Variants in SPAG16 observed in about 807,000 individuals in gnomAD.
SPAG16 encodes the protein sperm-associated antigen 16 protein.
Under a neutral mutation model 80.4 loss-of-function variants are expected in SPAG16, and 86 were observed. The ratio of observed to expected loss-of-function variants is 1.07; its 90% CI spans 0.90 to 1.28. The LOEUF (loss-of-function observed/expected upper bound fraction) is 1.28, where lower values mean the gene tolerates loss of function less well. Among genes scored for constraint, SPAG16 ranks in the 50% most tolerant of loss-of-function variants. SPAG16 has a pLI of 0.00. For synonymous variants in SPAG16, 294 were observed against 265.9 expected (o/e 1.11, Z -1.03); for missense variants, 870 against 765.3 (o/e 1.14, Z -1.61).
chr2:214,162,535 T>C (rs1211070417), intron 15 of SPAG16, among the ~76,000 whole-genome samples: 1 of 152,132 alleles, frequency 6.6e-6, no homozygotes, highest in African/African-American at 2.4e-5. Context: ...CTCTTTCTAA[T>C]AAGTCAGTTT....
At chr2:214,237,851 CTT>C (rs1193110423) in intron 15 of SPAG16, among the ~76,000 whole-genome samples, 9 of 151,880 alleles carry the variant, frequency 5.9e-5, no homozygotes, top group Non-Finnish European at 1.3e-4. Context: ...TTTAATGGGA[CTT>C]ATATTGGGTT....
At chr2:214,174,726 G>C (rs556817700) in intron 15 of SPAG16, among the ~76,000 whole-genome samples, 8 of 151,776 alleles carry the variant, frequency 5.3e-5, no homozygotes, top group East Asian at 3.9e-4. Context: ...GATGGCAAAG[G>C]CTGTTCCATT....
intron 9 of SPAG16, among the ~76,000 whole-genome samples, chr2:213,476,210 A>G (rs575833747): frequency 1.6e-3 from 245 of 152,346 alleles, no homozygotes; most frequent in African/African-American, 5.7e-3. Context: ...GAGTCTTGAA[A>G]GAAAGAAAAT....
chr2:213,950,298 A>G (rs1308140407), intron 12 of SPAG16, among the ~76,000 whole-genome samples: 1 of 152,142 alleles, frequency 6.6e-6, no homozygotes, highest in Non-Finnish European at 1.5e-5. Context: ...AATTAAGAAA[A>G]ACGAGATTTG....
At chr2:214,202,342 A>G (rs549356516) in intron 15 of SPAG16, among the ~76,000 whole-genome samples, 6 of 152,270 alleles carry the variant, frequency 3.9e-5, no homozygotes, top group African/African-American at 1.4e-4. Flanking sequence ...AAAGAGGGAT[A>G]AGGAAAGATA....
At chr2:213,828,269 T>C (rs2073419729) in intron 10 of SPAG16, among the ~76,000 whole-genome samples, 1 of 152,144 alleles carries the variant, frequency 6.6e-6, no homozygotes, top group Admixed American at 6.6e-5. Flanking sequence ...TTAGGCTCAC[T>C]AATGCTTTCT....
rs114493105 is a variant in SPAG16, at chr2:214,293,931, T to A, written c.1721-116209T>A. 4.5e-3 allele frequency among the ~76,000 whole-genome samples: 692 copies of A among 152,330 alleles called. 4 individuals carry two copies. The highest frequency in any genetic ancestry group is 0.016 in the African/African-American group (658 of 41,572). On this transcript the variant is annotated intron_variant, in intron 15 of 15. Transcript: ENST00000331683. ...GGCAGCTATGGGACATACAGTTGCC[T>A]CATATCTTAGTCCCACAACAGCCCA...
At chr2:213,725,826 A>G (rs1390180873) in intron 10 of SPAG16, among the ~76,000 whole-genome samples, 1 of 152,156 alleles carries the variant, frequency 6.6e-6, no homozygotes, top group Non-Finnish European at 1.5e-5. Flanking sequence ...TAGCTTTATC[A>G]ATTTCTGAGA....
intron 8 of SPAG16, among the ~76,000 whole-genome samples, chr2:213,374,383 A>G (rs1291888375): frequency 6.6e-6 from 1 of 152,050 alleles, no homozygotes; most frequent in East Asian, 1.9e-4. Flanking sequence ...TTTGCAATCA[A>G]CTTACTGTTT....
intron 15 of SPAG16, among the ~76,000 whole-genome samples, chr2:214,396,998 TA>T (rs1701428899): frequency 6.6e-6 from 1 of 151,970 alleles, no homozygotes; most frequent in Non-Finnish European, 1.5e-5. Context: ...TTAGAGTTTA[TA>T]AAAATTTTAT....
intron 15 of SPAG16, among the ~76,000 whole-genome samples, chr2:214,276,048 T>C (rs1692439633): frequency 6.6e-6 from 1 of 152,208 alleles, no homozygotes; most frequent in Non-Finnish European, 1.5e-5. Context: ...CATTATGTAA[T>C]GGCCTTCTTT....
intron 15 of SPAG16, among the ~76,000 whole-genome samples, chr2:214,392,330 A>G (rs929465068): frequency 6.6e-6 from 1 of 151,886 alleles, no homozygotes; most frequent in African/African-American, 2.4e-5. Flanking sequence ...TAATTTTTGT[A>G]TTTTTATTAG....
intron 11 of SPAG16, among the ~76,000 whole-genome samples, chr2:213,874,809 A>G (rs1218410207): frequency 6.6e-6 from 1 of 152,146 alleles, no homozygotes; most frequent in Non-Finnish European, 1.5e-5. Flanking sequence ...CTATGAAGCT[A>G]CAGGGTTAAG....
At chr2:213,737,778 G>A (rs1162925953) in intron 10 of SPAG16, among the ~76,000 whole-genome samples, 1 of 152,044 alleles carries the variant, frequency 6.6e-6, no homozygotes, top group Non-Finnish European at 1.5e-5. Flanking sequence ...GTGAGCCACC[G>A]CGCCTGGCCT....
At chr2:213,368,216 T>C (rs564467927) in intron 8 of SPAG16, among the ~76,000 whole-genome samples, 45 of 152,292 alleles carry the variant, frequency 3.0e-4, no homozygotes, top group African/African-American at 9.9e-4. Context: ...TGAAGTCAGG[T>C]AGTGTGATGC....
chr2:214,136,283 C>T (rs1324723804), intron 14 of SPAG16, among the ~76,000 whole-genome samples: 1 of 152,128 alleles, frequency 6.6e-6, no homozygotes, highest in African/African-American at 2.4e-5. Flanking sequence ...TAACCATATC[C>T]AAACCATAGC....
At chr2:213,566,968 G>A (rs1009800942) in intron 10 of SPAG16, among the ~76,000 whole-genome samples, 3 of 152,016 alleles carry the variant, frequency 2.0e-5, no homozygotes, top group African/African-American at 4.8e-5. Context: ...ATTTTTCATA[G>A]TTAGCCAACA....
At chr2:213,705,536 A>G (rs1374897976) in intron 10 of SPAG16, among the ~76,000 whole-genome samples, 1 of 152,182 alleles carries the variant, frequency 6.6e-6, no homozygotes, top group Non-Finnish European at 1.5e-5. Context: ...AATTGTAGGA[A>G]TAAATATAGT....
At chr2:213,462,099 A>T (rs1242806580) in intron 9 of SPAG16, among the ~76,000 whole-genome samples, 3 of 152,342 alleles carry the variant, frequency 2.0e-5, no homozygotes, top group South Asian at 2.1e-4. Flanking sequence ...CATTAACAGC[A>T]AATAAATAAG....
Sources: allele counts gnomAD v4.1 joint callset (sites outside exome capture counted in the v4.1 genomes callset), GRCh38; gene constraint gnomAD v4.1.1; transcripts MANE v1.5; gene names NCBI Gene and HGNC (gene_info 2026-07-23, HGNC 2026-07-21).